The following CDH18 variants were observed in gnomAD, a reference collection of about 807,000 sequenced individuals.
The protein encoded by CDH18 is cadherin-18.
CDH18 carries 31 observed loss-of-function variants against 67.9 expected under a neutral mutation model. The ratio of observed to expected loss-of-function variants is 0.46; its 90% CI spans 0.34 to 0.62. CDH18 has a LOEUF of 0.62. CDH18 is among the 20% of genes least tolerant of loss of function. The pLI is 0.01. For missense variants in CDH18, 890 were observed against 975.5 expected (o/e 0.91, Z 1.17); for synonymous variants, 362 against 347.2 (o/e 1.04, Z -0.48).
chr5:19,834,152 A>C (rs1228910951), intron 3 of CDH18, among the ~76,000 whole-genome samples: 1 of 143,682 alleles, frequency 7.0e-6, no homozygotes, highest in Non-Finnish European at 1.5e-5. Flanking sequence ...TGGTCCTGGG[A>C]TTTTTTTTTT....
chr5:20,243,975 A>G (rs1363950481), intron 2 of CDH18, among the ~76,000 whole-genome samples: 1 of 152,170 alleles, frequency 6.6e-6, no homozygotes, highest in Non-Finnish European at 1.5e-5. Flanking sequence ...CTGTATGCTC[A>G]GACCTCTGGA....
At chr5:19,836,518 T>G (rs1781656949) in intron 3 of CDH18, among the ~76,000 whole-genome samples, 1 of 152,190 alleles carries the variant, frequency 6.6e-6, no homozygotes, top group Admixed American at 6.6e-5. Context: ...AGGGGGTGTT[T>G]GTTTTTTTCT....
At chr5:20,273,721 A>C (rs149038817) in intron 1 of CDH18, among the ~76,000 whole-genome samples, 1 of 152,128 alleles carries the variant, frequency 6.6e-6, no homozygotes, top group African/African-American at 2.4e-5. Flanking sequence ...TCAGTTGTCT[A>C]TCATTAAAGC....
At chr5:20,561,037 G>A (rs769378862) in intron 1 of CDH18, among the ~76,000 whole-genome samples, 8 of 151,966 alleles carry the variant, frequency 5.3e-5, no homozygotes, top group Non-Finnish European at 7.4e-5. Context: ...TTAGAGAAAC[G>A]CAAATTAAAA....
intron 7 of CDH18, among the ~76,000 whole-genome samples, chr5:19,572,820 T>C (rs1741672765): frequency 6.6e-6 from 1 of 152,114 alleles, no homozygotes; most frequent in Admixed American, 6.5e-5. Context: ...CTTCAGTTCA[T>C]AGCAACCAAG....
chr5:19,666,622 A>G (rs1203284628), intron 5 of CDH18, among the ~76,000 whole-genome samples: 3 of 152,062 alleles, frequency 2.0e-5, no homozygotes, highest in African/African-American at 7.2e-5. Context: ...TAGTTGTTTT[A>G]TAAGTAGACA....
chr5:20,517,538 T>A (rs910311081), intron 1 of CDH18, among the ~76,000 whole-genome samples: 1 of 151,984 alleles, frequency 6.6e-6, no homozygotes, highest in Non-Finnish European at 1.5e-5. Context: ...AGACAATTAA[T>A]TTAAATCTGA....
chr5:20,324,099 T>C (rs1246744665), intron 1 of CDH18, among the ~76,000 whole-genome samples: 1 of 152,200 alleles, frequency 6.6e-6, no homozygotes, highest in East Asian at 1.9e-4. Context: ...TTTCCAAATA[T>C]ACTACATCGA....
At chr5:19,734,368 G>C (rs924720457) in intron 4 of CDH18, among the ~76,000 whole-genome samples, 2 of 152,232 alleles carry the variant, frequency 1.3e-5, no homozygotes, top group East Asian at 3.9e-4. Flanking sequence ...GAGGGGACTT[G>C]TGATATTTGT....
At chr5:20,232,696 A>C (rs1742169001) in intron 2 of CDH18, among the ~76,000 whole-genome samples, 1 of 152,136 alleles carries the variant, frequency 6.6e-6, no homozygotes, top group Admixed American at 6.5e-5. Context: ...AGGCATGTGA[A>C]GACAATTTTT....
chr5:20,469,654 T>C (rs1207075047), intron 1 of CDH18, among the ~76,000 whole-genome samples: 1 of 152,144 alleles, frequency 6.6e-6, no homozygotes, highest in Non-Finnish European at 1.5e-5. Flanking sequence ...AATTCTCTTA[T>C]CACTAAGCCT....
intron 2 of CDH18, among the ~76,000 whole-genome samples, chr5:20,023,773 G>T (rs1024572308): frequency 2.0e-5 from 3 of 151,898 alleles, no homozygotes; most frequent in African/African-American, 7.3e-5. Flanking sequence ...GAATTCCCAT[G>T]ACTATCCCAC....
At chr5:19,695,591 G>A (rs1485618652) in intron 5 of CDH18, among the ~76,000 whole-genome samples, 1 of 152,002 alleles carries the variant, frequency 6.6e-6, no homozygotes, top group Non-Finnish European at 1.5e-5. Context: ...TTCAAAGTTC[G>A]CTGACAATGA....
At position 19,994,728 on chromosome 5, in the gene CDH18, TATATATATATAGAGAGAGAG is replaced by T. The variant is rs1377642862; in HGVS notation, c.-517-2734_-517-2715del. Reference sequence around the variant, plus strand: ...ATATATATATATATATATATATATATATATATATATAGAGAGAGAGAGAGAGAGAGAGAGAGAGAGAGAGA... The same window carrying T: ...ATATATATATATATATATATATATATAGAGAGAGAGAGAGAGAGAGAGAGA... On this transcript the variant is annotated intron_variant, in intron 2 of 14. Coordinates refer to the CDH18 transcript ENST00000507958. 3.9e-3 allele frequency among the ~76,000 whole-genome samples: 81 copies of T among 20,900 alleles called. 3 individuals are homozygous for T. The highest frequency in any genetic ancestry group is 0.012 in the East Asian group (7 of 592). 13.7% of individuals were successfully genotyped at this position (20,900 alleles called of 152,430 possible). A position where few individuals can be genotyped will look rare whatever the true frequency, so the allele number is the denominator to read the frequency against.
chr5:19,683,591 A>T (rs1362807910), intron 5 of CDH18, among the ~76,000 whole-genome samples: 1 of 152,032 alleles, frequency 6.6e-6, no homozygotes, highest in African/African-American at 2.4e-5. Flanking sequence ...GGATCATTTA[A>T]AGTCTCTGAT....
Position 19,963,341 on chromosome 5 carries a change from T to A in CDH18, c.-257+17719A>T, listed in dbSNP as rs375346569. On this transcript the variant is annotated intron_variant, in intron 2 of 12. Coordinates refer to ENST00000382275, the MANE Select transcript of CDH18 (RefSeq NM_004934.5). Reference sequence around the variant, plus strand: ...GTATTATTCTGCTCTCACACTGCTATAAAGAACTGTCCGAGCCTGGATAAT... The same window carrying A: ...GTATTATTCTGCTCTCACACTGCTAAAAAGAACTGTCCGAGCCTGGATAAT... 3.3e-5 allele frequency among the ~76,000 whole-genome samples: 5 copies of A among 152,230 alleles called. No homozygotes were observed. In the East Asian group the frequency reaches 5.8e-4, roughly 18 times the overall value.
chr5:19,945,994 C>T (rs1160634642), intron 2 of CDH18, among the ~76,000 whole-genome samples: 1 of 151,890 alleles, frequency 6.6e-6, no homozygotes, highest in East Asian at 1.9e-4. Flanking sequence ...ATATGTAATA[C>T]ATCAAGAAAG....
At chr5:20,246,545 C>T (rs74811396) in intron 2 of CDH18, among the ~76,000 whole-genome samples, 3,965 of 152,060 alleles carry the variant, frequency 0.026, 153 homozygotes, top group African/African-American at 0.089. Flanking sequence ...AGGATTTCTT[C>T]TATTTTACTT....
At chr5:19,855,653 G>A (rs1259910191) in intron 2 of CDH18, among the ~76,000 whole-genome samples, 1 of 152,062 alleles carries the variant, frequency 6.6e-6, no homozygotes, top group Non-Finnish European at 1.5e-5. Flanking sequence ...TGCTTGAGGT[G>A]GTGAGAAGCT....
Sources: allele counts gnomAD v4.1 joint callset (sites outside exome capture counted in the v4.1 genomes callset), GRCh38; gene constraint gnomAD v4.1.1; transcripts MANE v1.5; gene names NCBI Gene and HGNC (gene_info 2026-07-23, HGNC 2026-07-21).